The following INTS13 variants were observed in gnomAD, a reference collection of about 807,000 sequenced individuals.
INTS13 encodes the protein integrator complex subunit 13.
A neutral mutation model predicts 90.2 loss-of-function variants in INTS13; 35 were observed. That is an observed-to-expected ratio of 0.39 (90% CI 0.30 to 0.51). INTS13 has a LOEUF of 0.51. Ranked by LOEUF, INTS13 falls within the 20% of genes least tolerant of loss-of-function variation. The pLI, the probability that INTS13 is intolerant of heterozygous loss-of-function variation, is 0.80. For synonymous variants in INTS13, 309 were observed against 277.1 expected (o/e 1.11, Z -1.14); for missense variants, 601 against 851.2 (o/e 0.71, Z 3.66).
At chr12:26,925,371 T>C (rs1247601294) in intron 6 of INTS13, among the ~76,000 whole-genome samples, 1 of 152,130 alleles carries the variant, frequency 6.6e-6, no homozygotes, top group Non-Finnish European at 1.5e-5. Context: ...GAAAATAAGA[T>C]TTTTCCCTCT....
chr12:26,927,895 C>A (rs1012702599), intron 5 of INTS13, among the ~76,000 whole-genome samples: 1 of 152,096 alleles, frequency 6.6e-6, no homozygotes, highest in African/African-American at 2.4e-5. Flanking sequence ...GGATAACAGG[C>A]ATAAGCCACT....
In INTS13 at chr12:26,914,089, T is replaced by A. The variant is rs1951865609; in HGVS notation, c.1459A>T (p.Thr487Ser). ...LASVIVKESL[T>S]EEDVLNCQKT... Reference sequence around the variant, plus strand: ...TGACAGTTTAACACATCTTCTTCTGTCAGAGATTCTTTCACAATAACACTG... The same window carrying A: ...TGACAGTTTAACACATCTTCTTCTGACAGAGATTCTTTCACAATAACACTG... The change falls in exon 13 of 17, where the codon ACA (threonine) becomes TCA (serine). Residue 487 changes from threonine (T) to serine (S), a missense_variant. Thr to Ser is a moderately conservative substitution (Grantham distance 58). Around this residue, in one of 3 missense-constraint regions of INTS13, gnomAD observed 228 missense variants for 272.5 expected, o/e 0.84. Coordinates refer to ENST00000261191, the MANE Select transcript of INTS13 (RefSeq NM_018164.3). The A allele has an allele frequency of 6.2e-7, 1 of 1,607,450 alleles. No individual in the cohort carries two copies.
intron 2 of INTS13, among the ~76,000 whole-genome samples, 153 bp downstream of exon 2, chr12:26,936,426 T>C (rs1394514826): frequency 1.3e-5 from 2 of 152,194 alleles, no homozygotes; most frequent in Non-Finnish European, 2.9e-5. Flanking sequence ...CAATTAAATA[T>C]CCATTATATA....
intron 5 of INTS13, among the ~76,000 whole-genome samples, chr12:26,927,842 C>A (rs1180430456): frequency 6.6e-6 from 1 of 152,106 alleles, no homozygotes; most frequent in Admixed American, 6.6e-5. Context: ...TCTTGAACTC[C>A]TGAGCTCAGG....
chr12:26,926,611 CA>C (rs141926989), intron 5 of INTS13, among the ~76,000 whole-genome samples: 1,784 of 152,318 alleles, frequency 0.012, 29 homozygotes, highest in African/African-American at 0.039. Flanking sequence ...AGCTGTGACA[CA>C]ATCACAAATA....
At chr12:26,931,401 G>A (rs920690731) in intron 3 of INTS13, among the ~76,000 whole-genome samples, 5 of 151,926 alleles carry the variant, frequency 3.3e-5, no homozygotes, top group Admixed American at 1.3e-4. Context: ...CCAAGATTGC[G>A]CCACTGCACT....
rs768079359 is a variant in INTS13, at chr12:26,911,227, T to A, written c.1896A>T (p.Lys632Asn). 6.2e-7 allele frequency: 1 copy of A among 1,614,060 alleles called. No individual in the cohort carries two copies. The highest frequency in any genetic ancestry group is 8.5e-7 in the Non-Finnish European group (1 of 1,179,976). The change falls in exon 15 of 17, where the codon AAA (lysine) becomes AAT (asparagine). Residue 632 changes from lysine (K) to asparagine (N), a missense_variant. Lys to Asn is a moderately conservative substitution (Grantham distance 94, BLOSUM62 0). Around this residue, in one of 3 missense-constraint regions of INTS13, gnomAD observed 228 missense variants for 272.5 expected, o/e 0.84. Transcript: ENST00000261191. Reference sequence around the variant, plus strand: ...TTTCATCCATTTCAACAAGGGGTTTTTTGTTTGGAGGTTCTGGGGAATCAG... The same window carrying A: ...TTTCATCCATTTCAACAAGGGGTTTATTGTTTGGAGGTTCTGGGGAATCAG... ...DSPDSPEPPN[K>N]KPLVEMDETP...
chr12:26,931,245 C>A (rs1370416231), intron 3 of INTS13, among the ~76,000 whole-genome samples: 2 of 151,874 alleles, frequency 1.3e-5, no homozygotes, highest in Non-Finnish European at 2.9e-5. Context: ...GAGATCAAGA[C>A]CATCCTGGCT....
At chr12:26,935,855 G>C (rs1420161677) in intron 2 of INTS13, among the ~76,000 whole-genome samples, 1 of 152,158 alleles carries the variant, frequency 6.6e-6, no homozygotes, top group Non-Finnish European at 1.5e-5. Flanking sequence ...AAGACAGAAA[G>C]CAAGTCTTCC....
chr12:26,935,416 G>A (rs1398506570), intron 2 of INTS13, among the ~76,000 whole-genome samples: 1 of 152,128 alleles, frequency 6.6e-6, no homozygotes, highest in East Asian at 1.9e-4. Context: ...ATATATCGAT[G>A]AAATACCAGT....
At chr12:26,928,367 G>A in intron 4 of INTS13, 82 bp from the exon 5 acceptor site, 1 of 1,096,820 alleles carries the variant, frequency 9.1e-7, no homozygotes, top group Non-Finnish European at 1.4e-6. Flanking sequence ...GCTTTAATAT[G>A]GTGTTATAGA....
At chr12:26,914,203 A>G in intron 12 of INTS13, 75 bp from the exon 13 acceptor site, 2 of 1,362,798 alleles carry the variant, frequency 1.5e-6, no homozygotes, top group Non-Finnish European at 2.0e-6. Flanking sequence ...GCAGAACTTG[A>G]TTTTCGAAAG....
At chr12:26,906,632 C>T (rs1338467431) in intron 15 of INTS13, 195 bp from the exon 16 acceptor site, 1 of 581,028 alleles carries the variant, frequency 1.7e-6, no homozygotes, top group Non-Finnish European at 2.9e-6. Context: ...TCAGGGTCCC[C>T]AAGAGCAACC....
chr12:26,910,893 T>C lies in INTS13; in HGVS notation c.1945+285A>G, dbSNP rs1028792805. Among the ~76,000 whole-genome samples, 17 of 152,226 alleles carry C rather than the reference T, an allele frequency of 1.1e-4. 1 individual carries two copies. The highest frequency in any genetic ancestry group is 9.8e-4 in the Admixed American group (15 of 15,270). ...CTCTGTCGCCCAGGCTGAAGTGCAATGGTGCGATCTTGGCTCACTGCAACC... is the reference window on the plus strand; with the variant it reads ...CTCTGTCGCCCAGGCTGAAGTGCAACGGTGCGATCTTGGCTCACTGCAACC... On this transcript the variant is annotated intron_variant, in intron 15 of 16. Transcript: ENST00000261191.
At chr12:26,925,706 A>G (rs1315172721) in intron 6 of INTS13, 55 bp downstream of exon 6, 82 of 1,342,128 alleles carry the variant, frequency 6.1e-5, no homozygotes, top group Non-Finnish European at 7.8e-5. Context: ...AACCCTTCTC[A>G]GTATTTATTA....
At position 26,936,606 on chromosome 12, in the gene INTS13, C is replaced by A. The variant is rs778120076; in HGVS notation, c.198G>T (p.Met66Ile). ...VESSMEYCRI[M>I]YDIFPFKKLV... ...GCTTTTTGAAAGGAAATATATCATA[C>A]ATTATTCTACAATATTCCATGGAAG... The change falls in exon 2 of 17, where the codon ATG becomes ATT. Residue 66 changes from methionine to isoleucine, a missense_variant. Around this residue, in one of 3 missense-constraint regions of INTS13, gnomAD observed 284 missense variants for 387.7 expected, o/e 0.73. Transcript: ENST00000261191. 63 of 1,611,550 alleles carry A rather than the reference C, an allele frequency of 3.9e-5. No homozygotes were observed. The highest frequency in any genetic ancestry group is 4.8e-5 in the Non-Finnish European group (57 of 1,177,870).
chr12:26,935,851 G>C (rs1177415218), intron 2 of INTS13, among the ~76,000 whole-genome samples: 6 of 152,206 alleles, frequency 3.9e-5, no homozygotes, highest in Non-Finnish European at 7.3e-5. Flanking sequence ...GAGTAAGACA[G>C]AAAGCAAGTC....
chr12:26,927,545 G>A (rs754057074), intron 5 of INTS13, among the ~76,000 whole-genome samples: 29 of 152,068 alleles, frequency 1.9e-4, no homozygotes, highest in Non-Finnish European at 2.6e-4. Context: ...TTTAGATGTG[G>A]TACATACTGA....
At position 26,928,688 on chromosome 12, in the gene INTS13, T is replaced by C. The variant is rs775310022; in HGVS notation, c.503+15A>G. On this transcript the variant is annotated intron_variant, in intron 4 of 16. Transcript: ENST00000261191. ...AATTCCCACAGTGAAAGAATTGCTA[T>C]AATCAACACCTCACCTTTTTGCATT... is the stretch of plus-strand genomic sequence containing the variant. 1 of 1,612,290 alleles carries C rather than the reference T, an allele frequency of 6.2e-7. No individual in the cohort carries two copies. Among genetic ancestry groups the C allele is most frequent in the South Asian group, 1.1e-5 (1 of 91,020 alleles).
Sources: gnomAD v4.1 joint callset for allele counts (sites outside exome capture counted in the v4.1 genomes callset) on GRCh38, gnomAD v4.1.1 for gene constraint, gnomAD v4.1.1 regional missense constraint, MANE v1.5 for transcripts, NCBI Gene and HGNC (gene_info 2026-07-23, HGNC 2026-07-21) for gene names.